SKAP1: variants seen among roughly 807,000 people sequenced by gnomAD.
SKAP1 encodes the protein src kinase-associated phosphoprotein 1.
SKAP1 carries 44 observed loss-of-function variants against 58.5 expected under a neutral mutation model. The ratio of observed to expected loss-of-function variants is 0.75; its 90% CI spans 0.59 to 0.97. The LOEUF (loss-of-function observed/expected upper bound fraction) is 0.97, where lower values mean the gene tolerates loss of function less well. Ranked by LOEUF, SKAP1 falls within the 50% of genes least tolerant of loss-of-function variation. The pLI is 0.00. For missense variants in SKAP1, 390 were observed against 435.2 expected (o/e 0.90, Z 0.92); for synonymous variants, 127 against 149.7 (o/e 0.85, Z 1.11).
intron 4 of SKAP1, among the ~76,000 whole-genome samples, chr17:48,261,826 A>G (rs1174931981): frequency 2.0e-5 from 3 of 152,052 alleles, no homozygotes; most frequent in African/African-American, 4.8e-5. Context: ...GGTGGGGGAA[A>G]AAACCATACA....
intron 1 of SKAP1, among the ~76,000 whole-genome samples, chr17:48,401,803 C>G (rs538968879): frequency 1.3e-5 from 2 of 151,926 alleles, no homozygotes; most frequent in Admixed American, 1.3e-4. Flanking sequence ...AGCTATTGTG[C>G]TTCAAAGAAG....
At chr17:48,221,440 A>G (rs1455335051) in intron 4 of SKAP1, among the ~76,000 whole-genome samples, 1 of 152,244 alleles carries the variant, frequency 6.6e-6, no homozygotes, top group Admixed American at 6.5e-5. Flanking sequence ...AGAATGACTA[A>G]AACAGTTTCT....
intron 6 of SKAP1, among the ~76,000 whole-genome samples, chr17:48,186,469 T>TATTC (rs2064454238): frequency 6.6e-6 from 1 of 151,166 alleles, no homozygotes; most frequent in South Asian, 2.1e-4. Context: ...TTTATTTATT[T>TATTC]ATTTATTTAT....
intron 11 of SKAP1, among the ~76,000 whole-genome samples, chr17:48,145,304 T>A (rs2063815762): frequency 6.6e-6 from 1 of 151,946 alleles, no homozygotes; most frequent in Non-Finnish European, 1.5e-5. Flanking sequence ...TCTGGATGAA[T>A]GAAGCATTGA....
Position 48,430,164 on chromosome 17 carries a change from C to A in SKAP1, c.-44G>T. 8.7e-7 allele frequency: 1 copy of A among 1,148,198 alleles called. No individual in the cohort carries two copies. Among genetic ancestry groups the A allele is most frequent in the South Asian group, 4.3e-5 (1 of 23,270 alleles). The allele number at this position is 1,148,198 out of a possible 1,614,324, so 71.1% of individuals were successfully genotyped here. A position where few individuals can be genotyped will look rare whatever the true frequency, so the allele number is the denominator to read the frequency against. On this transcript the variant is annotated 5_prime_UTR_variant, in exon 1 of 13. Coordinates refer to ENST00000336915, the MANE Select transcript of SKAP1 (RefSeq NM_003726.4). ...GGCGGGACGGGGCGCGGGCCCTGGTCGGGAGGCGGACGGGCTGGAAGGCGA... is the reference window on the plus strand; with the variant it reads ...GGCGGGACGGGGCGCGGGCCCTGGTAGGGAGGCGGACGGGCTGGAAGGCGA...
At chr17:48,286,426 G>A (rs749915801) in intron 4 of SKAP1, among the ~76,000 whole-genome samples, 2 of 152,180 alleles carry the variant, frequency 1.3e-5, no homozygotes, top group Non-Finnish European at 2.9e-5. Context: ...ATTTCATTAT[G>A]TAATTCCTCA....
intron 4 of SKAP1, among the ~76,000 whole-genome samples, chr17:48,253,307 G>C (rs533459634): frequency 1.1e-3 from 174 of 152,168 alleles, no homozygotes; most frequent in African/African-American, 4.1e-3. Context: ...GTCTTTTTCT[G>C]GGCCTTCAAG....
chr17:48,170,777 T>A, intron 9 of SKAP1, 118 bp from the exon 10 acceptor site: 2 of 836,910 alleles, frequency 2.4e-6, no homozygotes, highest in Non-Finnish European at 3.8e-6. Context: ...TGGAACGATT[T>A]TCGGTTCACT....
chr17:48,135,307 A>C (rs576790802), intron 12 of SKAP1, among the ~76,000 whole-genome samples: 1 of 152,300 alleles, frequency 6.6e-6, no homozygotes, highest in South Asian at 2.1e-4. Context: ...TTCAGGCCAG[A>C]AGATGGAGCT....
Position 48,137,336 on chromosome 17 carries a change from T to G in SKAP1, c.980A>C (p.Glu327Ala), listed in dbSNP as rs1217685535. 6.2e-7 allele frequency: 1 copy of G among 1,607,670 alleles called. No homozygotes were observed. The highest frequency in any genetic ancestry group is 8.5e-7 in the Non-Finnish European group (1 of 1,174,308). ...RGDLIRILSK[E>A]YNMYGWWVGE... ...CACCCACCAGCCATACATGTTATACTCCTGAAAAGTGAAAAGAGGATAGCG... is the reference window on the plus strand; with the variant it reads ...CACCCACCAGCCATACATGTTATACGCCTGAAAAGTGAAAAGAGGATAGCG... The change falls in exon 12 of 13, where the codon GAG becomes GCG. Residue 327 changes from glutamate to alanine, a missense_variant and splice_region_variant. By Grantham distance (107) the Glu-to-Ala change is moderately radical. Transcript: ENST00000336915.
intron 3 of SKAP1, among the ~76,000 whole-genome samples, chr17:48,352,343 T>A (rs2066813574): frequency 6.6e-6 from 1 of 152,210 alleles, no homozygotes; most frequent in Non-Finnish European, 1.5e-5. Flanking sequence ...CAACTGGTAC[T>A]AAAATGGAAC....
chr17:48,193,882 T>C, intron 4 of SKAP1: 1 of 271,892 alleles, frequency 3.7e-6, no homozygotes, highest in Non-Finnish European at 5.6e-6. Context: ...CAAACAATTG[T>C]ATAAGTTGCT....
At chr17:48,143,455 C>T (rs763337410) in intron 11 of SKAP1, among the ~76,000 whole-genome samples, 4 of 151,902 alleles carry the variant, frequency 2.6e-5, no homozygotes, top group Admixed American at 6.6e-5. Context: ...CAAGTGATCC[C>T]CCAGCTTCAG....
intron 4 of SKAP1, among the ~76,000 whole-genome samples, chr17:48,325,117 C>T (rs1264411453): frequency 2.0e-5 from 3 of 151,860 alleles, no homozygotes; most frequent in African/African-American, 7.3e-5. Flanking sequence ...GGCAAGGTGG[C>T]GGGCGCCTGT....
intron 4 of SKAP1, among the ~76,000 whole-genome samples, chr17:48,335,718 T>C (rs1181589974): frequency 2.6e-5 from 4 of 152,110 alleles, no homozygotes; most frequent in Non-Finnish European, 5.9e-5. Context: ...GAAAAAAATA[T>C]CTGTGAATTT....
intron 11 of SKAP1, among the ~76,000 whole-genome samples, chr17:48,145,730 T>G (rs1206035450): frequency 6.6e-6 from 1 of 152,174 alleles, no homozygotes; most frequent in Non-Finnish European, 1.5e-5. Context: ...TGCTACATTT[T>G]AATTTCTCTC....
At chr17:48,369,046 C>T (rs2067048674) in intron 2 of SKAP1, among the ~76,000 whole-genome samples, 1 of 151,852 alleles carries the variant, frequency 6.6e-6, no homozygotes, top group South Asian at 2.1e-4. Flanking sequence ...ACTTGGGAGT[C>T]GGAGGCAGGA....
chr17:48,204,843 C>T (rs2064773153), intron 4 of SKAP1, among the ~76,000 whole-genome samples: 1 of 152,114 alleles, frequency 6.6e-6, no homozygotes, highest in Admixed American at 6.6e-5. Flanking sequence ...CCCACATTAC[C>T]AAAGCTAAGA....
At chr17:48,275,383 T>C (rs1349293891) in intron 4 of SKAP1, among the ~76,000 whole-genome samples, 1 of 152,218 alleles carries the variant, frequency 6.6e-6, no homozygotes, top group Non-Finnish European at 1.5e-5. Flanking sequence ...GGGGGATCTT[T>C]GCTAGCTCCT....
Sources: gnomAD v4.1 joint callset for allele counts (sites outside exome capture counted in the v4.1 genomes callset) on GRCh38, gnomAD v4.1.1 for gene constraint, MANE v1.5 for transcripts, NCBI Gene and HGNC (gene_info 2026-07-23, HGNC 2026-07-21) for gene names.